Variants in CNTN4 observed in about 807,000 individuals in gnomAD.
CNTN4 encodes the protein contactin 4, also known as contactin-4.
CNTN4 carries 77 observed loss-of-function variants against 122.5 expected under a neutral mutation model. The observed-to-expected ratio is 0.63, with a 90% confidence interval of 0.52 to 0.76. The LOEUF (loss-of-function observed/expected upper bound fraction) is 0.76. Ranked by LOEUF, CNTN4 falls within the 30% of genes least tolerant of loss-of-function variation. The probability of loss-of-function intolerance (pLI) is 0.00; values close to 1 mark genes in which losing one functional copy is unlikely to be tolerated. For missense variants in CNTN4, 1,256 were observed against 1,259.1 expected (o/e 1.00, Z 0.04); for synonymous variants, 512 against 447.0 (o/e 1.15, Z -1.83).
At chr3:2,424,727 G>T (rs1479914715) in intron 3 of CNTN4, among the ~76,000 whole-genome samples, 2 of 152,164 alleles carry the variant, frequency 1.3e-5, no homozygotes, top group Non-Finnish European at 1.5e-5. Flanking sequence ...TCCAGTACCT[G>T]TTGTTTCCTG....
chr3:2,610,172 A>G (rs1452208081), intron 4 of CNTN4, among the ~76,000 whole-genome samples: 1 of 152,176 alleles, frequency 6.6e-6, no homozygotes, highest in Non-Finnish European at 1.5e-5. Context: ...TCACCATAGT[A>G]TAAGTTAAGA....
chr3:2,632,108 A>G (rs9757703), intron 4 of CNTN4, among the ~76,000 whole-genome samples: 4 of 151,776 alleles, frequency 2.6e-5, no homozygotes, highest in African/African-American at 7.3e-5. Context: ...ATGTATGTAT[A>G]TATATATATA....
At chr3:2,234,370 C>CAAAAAAA (rs72401999) in intron 2 of CNTN4, among the ~76,000 whole-genome samples, 1,528 of 93,970 alleles carry the variant, frequency 0.016, 35 homozygotes, top group Middle Eastern at 0.028. Context: ...AAGTCCATCT[C>CAAAAAAA]AAAAAAAAAA....
At chr3:2,612,229 T>G (rs2081529517) in intron 4 of CNTN4, among the ~76,000 whole-genome samples, 3 of 151,978 alleles carry the variant, frequency 2.0e-5, no homozygotes, top group Non-Finnish European at 4.4e-5. Flanking sequence ...AAAATTACAT[T>G]TAATACAGCT....
At chr3:2,482,304 T>C (rs1485328667) in intron 3 of CNTN4, among the ~76,000 whole-genome samples, 2 of 152,034 alleles carry the variant, frequency 1.3e-5, no homozygotes, top group Admixed American at 1.3e-4. Context: ...GCCCTAGAGA[T>C]CTGTGGAACT....
At chr3:2,750,293 T>C (rs951159254) in intron 6 of CNTN4, among the ~76,000 whole-genome samples, 1 of 152,250 alleles carries the variant, frequency 6.6e-6, no homozygotes, top group Admixed American at 6.5e-5. Flanking sequence ...TTACATACTT[T>C]CTATAATTTT....
intron 14 of CNTN4, among the ~76,000 whole-genome samples, chr3:3,018,262 T>C (rs113909800): frequency 6.6e-6 from 1 of 152,214 alleles, no homozygotes; most frequent in Non-Finnish European, 1.5e-5. Flanking sequence ...AGAAACTCAA[T>C]GTTTAAATTT....
chr3:2,621,227 C>G (rs2081977172), intron 4 of CNTN4, among the ~76,000 whole-genome samples: 1 of 152,154 alleles, frequency 6.6e-6, no homozygotes, highest in African/African-American at 2.4e-5. Flanking sequence ...TAACATGCAG[C>G]AAGGGAACTA....
At chr3:2,844,521 G>A (rs1486519499) in intron 7 of CNTN4, among the ~76,000 whole-genome samples, 1 of 152,110 alleles carries the variant, frequency 6.6e-6, no homozygotes, top group African/African-American at 2.4e-5. Context: ...AGTTTAAAAT[G>A]TACTGGTTCA....
intron 3 of CNTN4, among the ~76,000 whole-genome samples, chr3:2,424,049 G>A (rs1403185535): frequency 6.7e-6 from 1 of 150,300 alleles, no homozygotes; most frequent in Admixed American, 6.7e-5. Context: ...TCTCATAAAA[G>A]AGGTAGTTTA....
chr3:2,720,864 A>G (rs1390895029), intron 4 of CNTN4, among the ~76,000 whole-genome samples: 2 of 152,260 alleles, frequency 1.3e-5, no homozygotes, highest in African/African-American at 4.8e-5. Flanking sequence ...GTTGAGGCAC[A>G]AAGTCTAAGT....
At chr3:2,500,008 A>G (rs1302190948) in intron 3 of CNTN4, among the ~76,000 whole-genome samples, 1 of 152,094 alleles carries the variant, frequency 6.6e-6, no homozygotes, top group East Asian at 1.9e-4. Context: ...AAATGGTATT[A>G]TGTTTTTAAT....
At chr3:2,189,558 G>T (rs1455786741) in intron 2 of CNTN4, among the ~76,000 whole-genome samples, 1 of 152,092 alleles carries the variant, frequency 6.6e-6, no homozygotes, top group East Asian at 1.9e-4. Flanking sequence ...GAGAGAGATT[G>T]ATACCCTGAG....
chr3:2,712,066 T>C (rs1391524627), intron 4 of CNTN4, among the ~76,000 whole-genome samples: 1 of 152,194 alleles, frequency 6.6e-6, no homozygotes, highest in African/African-American at 2.4e-5. Flanking sequence ...CCATTCAGCA[T>C]TTACTGAATA....
intron 23 of CNTN4, among the ~76,000 whole-genome samples, chr3:3,050,652 A>C (rs1318071268): frequency 6.6e-6 from 1 of 150,726 alleles, no homozygotes; most frequent in African/African-American, 2.4e-5. Flanking sequence ...AATGTTAGCT[A>C]CTTGGGAGGC....
At chr3:2,171,541 G>A (rs1262218671) in intron 2 of CNTN4, among the ~76,000 whole-genome samples, 1 of 152,038 alleles carries the variant, frequency 6.6e-6, no homozygotes, top group African/African-American at 2.4e-5. Flanking sequence ...TTTAATAATT[G>A]GAAAAAGTAG....
intron 7 of CNTN4, among the ~76,000 whole-genome samples, chr3:2,854,268 C>CTTTTTTTTTTTTTTTTTTTTTTT (rs56147510): frequency 1.1e-5 from 1 of 90,052 alleles, no homozygotes; most frequent in Non-Finnish European, 2.0e-5. Flanking sequence ...CTTTCTTCTT[C>CTTTTTTTTTTTTTTTTTTTTTTT]TTTTTTTTTT....
intron 13 of CNTN4, among the ~76,000 whole-genome samples, chr3:2,970,012 CAGAA>C (rs1460389238): frequency 2.6e-5 from 4 of 152,154 alleles, no homozygotes; most frequent in African/African-American, 9.7e-5. Flanking sequence ...ACCCTCTGCA[CAGAA>C]AGAAATTCAC....
At chr3:2,892,720 A>G (rs1339168158) in intron 10 of CNTN4, among the ~76,000 whole-genome samples, 2 of 152,214 alleles carry the variant, frequency 1.3e-5, no homozygotes, top group African/African-American at 4.8e-5. Context: ...AACAGGTGTT[A>G]TGAGAGTTAA....
Sources: gnomAD v4.1 joint callset for allele counts (sites outside exome capture counted in the v4.1 genomes callset) on GRCh38, gnomAD v4.1.1 for gene constraint, MANE v1.5 for transcripts, NCBI Gene and HGNC (gene_info 2026-07-23, HGNC 2026-07-21) for gene names.